The following NKAIN3 variants were observed in gnomAD, a reference collection of about 807,000 sequenced individuals.
NKAIN3 encodes sodium/potassium transporting ATPase interacting 3.
Under a neutral mutation model 30.2 loss-of-function variants are expected in NKAIN3, and 25 were observed. The ratio of observed to expected loss-of-function variants is 0.83; its 90% CI spans 0.60 to 1.16. The LOEUF (loss-of-function observed/expected upper bound fraction) is 1.16, where lower values mean the gene tolerates loss of function less well. Ranked by LOEUF, NKAIN3 falls within the 50% of genes most tolerant of loss-of-function variation. NKAIN3 has a pLI of 0.00. For missense variants in NKAIN3, 225 were observed against 254.1 expected (o/e 0.89, Z 0.78); for synonymous variants, 91 against 89.6 (o/e 1.02, Z -0.09).
chr8:62,876,139 C>T (rs1820787589), intron 4 of NKAIN3, among the ~76,000 whole-genome samples: 1 of 152,112 alleles, frequency 6.6e-6, no homozygotes, highest in African/African-American at 2.4e-5. Flanking sequence ...AAGAAACAAA[C>T]AACCCCATCA....
At chr8:62,412,270 T>C (rs1804260560) in intron 1 of NKAIN3, among the ~76,000 whole-genome samples, 1 of 151,744 alleles carries the variant, frequency 6.6e-6, no homozygotes, top group East Asian at 1.9e-4. Flanking sequence ...GCTACACATT[T>C]ACAACCATCT....
chr8:62,659,791 T>G (rs1419832708), intron 3 of NKAIN3, among the ~76,000 whole-genome samples: 1 of 152,170 alleles, frequency 6.6e-6, no homozygotes, highest in South Asian at 2.1e-4. Context: ...AATTGAATCA[T>G]GGAGACAGGT....
chr8:62,806,007 C>A (rs941372933), intron 4 of NKAIN3, among the ~76,000 whole-genome samples: 2 of 152,190 alleles, frequency 1.3e-5, no homozygotes, highest in Non-Finnish European at 2.9e-5. Flanking sequence ...TGAACAGACA[C>A]TTCTAAAAAG....
intron 1 of NKAIN3, among the ~76,000 whole-genome samples, chr8:62,438,016 T>G (rs1805220173): frequency 6.6e-6 from 1 of 152,242 alleles, no homozygotes. Flanking sequence ...AAATTTTCTC[T>G]CATAAACCTA....
At chr8:62,858,327 A>G (rs1398054332) in intron 4 of NKAIN3, among the ~76,000 whole-genome samples, 1 of 152,032 alleles carries the variant, frequency 6.6e-6, no homozygotes, top group African/African-American at 2.4e-5. Flanking sequence ...CCCAGTCAGA[A>G]GAAAAGTGAT....
chr8:62,562,833 T>C (rs576261607), intron 1 of NKAIN3, among the ~76,000 whole-genome samples: 1 of 152,272 alleles, frequency 6.6e-6, no homozygotes, highest in South Asian at 2.1e-4. Flanking sequence ...AATGTGTACT[T>C]TAAAGAGACT....
intron 1 of NKAIN3, among the ~76,000 whole-genome samples, chr8:62,558,101 G>C (rs973358422): frequency 2.2e-4 from 33 of 152,216 alleles, no homozygotes; most frequent in African/African-American, 7.5e-4. Flanking sequence ...GAGAGAGGAG[G>C]ATCCAGTTTC....
chr8:62,961,111 C>G (rs550100165), intron 6 of NKAIN3, among the ~76,000 whole-genome samples: 2 of 152,174 alleles, frequency 1.3e-5, no homozygotes, highest in East Asian at 3.9e-4. Context: ...GAAGCCTTGT[C>G]TCCACCAAAA....
chr8:62,629,050 C>T (rs1811872489), intron 3 of NKAIN3, among the ~76,000 whole-genome samples: 1 of 152,108 alleles, frequency 6.6e-6, no homozygotes, highest in African/African-American at 2.4e-5. Flanking sequence ...TTTTCTCCCT[C>T]CTAACATTTT....
chr8:62,690,399 A>G (rs1813928966), intron 3 of NKAIN3, among the ~76,000 whole-genome samples: 1 of 152,136 alleles, frequency 6.6e-6, no homozygotes, highest in Non-Finnish European at 1.5e-5. Context: ...AGGAAGAAAT[A>G]TCACCCTCCC....
At chr8:62,957,279 G>T (rs1384795481) in intron 6 of NKAIN3, among the ~76,000 whole-genome samples, 2 of 151,978 alleles carry the variant, frequency 1.3e-5, no homozygotes, top group African/African-American at 2.4e-5. Flanking sequence ...GACTATAGGC[G>T]CCCGCCACCA....
Position 62,967,521 on chromosome 8 carries a change from C to T in NKAIN3, c.*2114C>T, listed in dbSNP as rs1463343181. Among the ~76,000 whole-genome samples, 2 of 152,032 alleles carry T rather than the reference C, an allele frequency of 1.3e-5. No homozygotes were observed. The highest frequency in any genetic ancestry group is 4.8e-5 in the African/African-American group (2 of 41,324). ...GGAGCTCTTGCTTTCCACTCAAGCGCTATGAAGAGCCCACAGAAACAACAA... is the reference window on the plus strand; with the variant it reads ...GGAGCTCTTGCTTTCCACTCAAGCGTTATGAAGAGCCCACAGAAACAACAA... On this transcript the variant is annotated 3_prime_UTR_variant, in exon 7 of 7. Coordinates refer to ENST00000623646, the MANE Select transcript of NKAIN3 (RefSeq NM_001304533.3).
chr8:62,311,940 A>G (rs1814451174), intron 1 of NKAIN3, among the ~76,000 whole-genome samples: 1 of 150,568 alleles, frequency 6.6e-6, no homozygotes, highest in Non-Finnish European at 1.5e-5. Context: ...CTGCAGCACC[A>G]AAGAAAGGAA....
At chr8:62,608,129 T>C (rs1811182680) in intron 3 of NKAIN3, among the ~76,000 whole-genome samples, 1 of 152,216 alleles carries the variant, frequency 6.6e-6, no homozygotes, top group Non-Finnish European at 1.5e-5. Context: ...TCTTCTTCTT[T>C]TCACCCTTTC....
chr8:62,868,064 G>A (rs987849156), intron 4 of NKAIN3, among the ~76,000 whole-genome samples: 1 of 152,146 alleles, frequency 6.6e-6, no homozygotes, highest in African/African-American at 2.4e-5. Flanking sequence ...GAGTGTACTG[G>A]ATCTGACTAG....
intron 3 of NKAIN3, among the ~76,000 whole-genome samples, chr8:62,608,159 G>A (rs1011270758): frequency 6.6e-6 from 1 of 152,104 alleles, no homozygotes; most frequent in South Asian, 2.1e-4. Context: ...CCACCTGGCT[G>A]AGTCTATAAG....
intron 4 of NKAIN3, among the ~76,000 whole-genome samples, chr8:62,796,610 T>G (rs189067907): frequency 6.6e-6 from 1 of 152,034 alleles, no homozygotes; most frequent in African/African-American, 2.4e-5. Flanking sequence ...AGAGAATATT[T>G]TCTCATAACA....
At chr8:62,728,327 A>AT (rs1431584430) in intron 3 of NKAIN3, among the ~76,000 whole-genome samples, 1 of 152,202 alleles carries the variant, frequency 6.6e-6, no homozygotes, top group African/African-American at 2.4e-5. Context: ...AATAATAATC[A>AT]TAAAAAAAAG....
In NKAIN3 at chr8:62,965,620, TAAAAAAAAAAAA is replaced by T; in HGVS notation, c.*218_*229del. 1.0e-5 allele frequency: 9 copies of T among 885,930 alleles called. No individual in the cohort carries two copies. Among genetic ancestry groups the T allele is most frequent in the Non-Finnish European group, 1.2e-5 (9 of 749,750 alleles). The allele number at this position is 885,930 out of a possible 1,614,324, so 54.9% of individuals were successfully genotyped here. On this transcript the variant is annotated 3_prime_UTR_variant, in exon 7 of 7. Transcript: ENST00000623646. ...TTCTTATATGAACACTTGTAAGTTG[TAAAAAAAAAAAA>T]AAAAGAAAAAACAGAATTTGGTTTT...
Sources: allele counts gnomAD v4.1 joint callset (sites outside exome capture counted in the v4.1 genomes callset), GRCh38; gene constraint gnomAD v4.1.1; transcripts MANE v1.5; gene names NCBI Gene and HGNC (gene_info 2026-07-23, HGNC 2026-07-21).